The following CNTN3 variants were observed in gnomAD, a reference collection of about 807,000 sequenced individuals.
CNTN3 encodes the protein contactin 3.
Under a neutral mutation model 119.1 loss-of-function variants are expected in CNTN3, and 60 were observed. That is an observed-to-expected ratio of 0.50 (90% CI 0.41 to 0.62). The LOEUF is 0.62. CNTN3 is among the 20% of genes least tolerant of loss of function. The pLI is 0.00. For synonymous variants in CNTN3, 450 were observed against 438.7 expected (o/e 1.03, Z -0.32); for missense variants, 1,101 against 1,242.4 (o/e 0.89, Z 1.71).
intron 20 of CNTN3, among the ~76,000 whole-genome samples, chr3:74,282,249 TTG>T (rs1702028570): frequency 6.7e-6 from 1 of 149,966 alleles, no homozygotes; most frequent in Admixed American, 6.7e-5. Flanking sequence ...TTGAGAATCC[TTG>T]TGTTATTTTA....
intron 1 of CNTN3, among the ~76,000 whole-genome samples, chr3:74,578,388 C>G (rs987788536): frequency 1.3e-5 from 2 of 152,058 alleles, no homozygotes; most frequent in African/African-American, 2.4e-5. Flanking sequence ...CAATGCATCA[C>G]TTTTCTTAAT....
intron 1 of CNTN3, among the ~76,000 whole-genome samples, chr3:74,535,511 A>G (rs575783898): frequency 2.6e-5 from 4 of 152,242 alleles, no homozygotes; most frequent in Admixed American, 2.0e-4. Flanking sequence ...GACTGCCTGT[A>G]TGTAATGATC....
intron 20 of CNTN3, among the ~76,000 whole-genome samples, chr3:74,273,544 G>C (rs1701822814): frequency 6.6e-6 from 1 of 151,888 alleles, no homozygotes; most frequent in Non-Finnish European, 1.5e-5. Context: ...ACCCCCACTG[G>C]GGAAACTGAA....
At chr3:74,486,285 GCT>G (rs1415351181) in intron 4 of CNTN3, among the ~76,000 whole-genome samples, 169 bp downstream of exon 4, 1 of 151,316 alleles carries the variant, frequency 6.6e-6, no homozygotes, top group East Asian at 1.9e-4. Context: ...CACATTTAAA[GCT>G]CTGATTTGAA....
At chr3:74,574,925 CTT>C (rs71625983) in intron 1 of CNTN3, among the ~76,000 whole-genome samples, 4 of 145,412 alleles carry the variant, frequency 2.8e-5, no homozygotes, top group African/African-American at 5.0e-5. Context: ...GAAGCATTTT[CTT>C]TTTTTTTTTT....
At chr3:74,279,232 A>C (rs1442146001) in intron 20 of CNTN3, among the ~76,000 whole-genome samples, 2 of 152,188 alleles carry the variant, frequency 1.3e-5, no homozygotes, top group African/African-American at 4.8e-5. Context: ...TAGCACCACT[A>C]TTTGATCCAG....
At chr3:74,478,866 A>G (rs943212757) in intron 4 of CNTN3, among the ~76,000 whole-genome samples, 1 of 152,150 alleles carries the variant, frequency 6.6e-6, no homozygotes, top group Admixed American at 6.6e-5. Flanking sequence ...GCAACTAACC[A>G]TCATTTATAT....
intron 13 of CNTN3, among the ~76,000 whole-genome samples, chr3:74,324,072 T>A (rs952642055): frequency 6.6e-6 from 1 of 152,180 alleles, no homozygotes; most frequent in South Asian, 2.1e-4. Context: ...ACAAATATAC[T>A]CACATGTACA....
intron 13 of CNTN3, among the ~76,000 whole-genome samples, chr3:74,329,916 T>C (rs968942767): frequency 2.0e-5 from 3 of 152,208 alleles, no homozygotes; most frequent in African/African-American, 7.2e-5. Context: ...TGAAGATATC[T>C]AGATACAGGC....
intron 4 of CNTN3, among the ~76,000 whole-genome samples, chr3:74,426,415 T>C (rs899421726): frequency 2.6e-5 from 4 of 152,160 alleles, no homozygotes; most frequent in Admixed American, 2.0e-4. Context: ...TCAACTTTTC[T>C]TTGAAAAATA....
Position 74,285,305 on chromosome 3 carries a change from G to A in CNTN3, c.2704C>T (p.Pro902Ser), listed in dbSNP as rs1016109917. 4 of 1,599,828 alleles carry A rather than the reference G, an allele frequency of 2.5e-6. No homozygotes were observed. The highest frequency in any genetic ancestry group is 1.4e-5 in the African/African-American group (1 of 73,802). ...TTCAAAGAAATCAGAATATACTTAC[G>A]CGTTTTCTTGGTGGTTACATTAACT... is the stretch of plus-strand genomic sequence containing the variant. ...ATVNVTTKKT[P>S]PSQPPGNVVW... The change falls in exon 20 of 23, where the codon CCT (proline) becomes TCT (serine). Residue 902 changes from proline to serine, a missense_variant and splice_region_variant. By Grantham distance (74) the Pro-to-Ser change is moderately conservative. Coordinates refer to ENST00000263665, the MANE Select transcript of CNTN3 (RefSeq NM_020872.3).
chr3:74,366,674 T>C (rs532334895), intron 8 of CNTN3, among the ~76,000 whole-genome samples: 30 of 151,358 alleles, frequency 2.0e-4, no homozygotes, highest in African/African-American at 7.0e-4. Flanking sequence ...ATTACTTTTT[T>C]ATAAATGAAA....
intron 13 of CNTN3, among the ~76,000 whole-genome samples, chr3:74,325,509 T>C (rs902285528): frequency 1.3e-5 from 2 of 151,920 alleles, no homozygotes; most frequent in African/African-American, 4.8e-5. Flanking sequence ...TTGGCAAAAA[T>C]TTTAAAAAAA....
At chr3:74,298,807 G>C (rs1217384561) in intron 17 of CNTN3, among the ~76,000 whole-genome samples, 3 of 147,772 alleles carry the variant, frequency 2.0e-5, no homozygotes, top group African/African-American at 7.6e-5. Flanking sequence ...TGAGGCAGGA[G>C]AATTGCTTGA....
At chr3:74,353,822 C>T (rs981611371) in intron 11 of CNTN3, among the ~76,000 whole-genome samples, 3 of 151,882 alleles carry the variant, frequency 2.0e-5, no homozygotes, top group Non-Finnish European at 4.4e-5. Context: ...CAGTATAATA[C>T]ACCTTTTTCT....
At chr3:74,502,527 T>TA (rs1313153189) in intron 2 of CNTN3, among the ~76,000 whole-genome samples, 1 of 152,158 alleles carries the variant, frequency 6.6e-6, no homozygotes, top group African/African-American at 2.4e-5. Flanking sequence ...CACCATGAAC[T>TA]ATGTGCCAGG....
chr3:74,307,445 G>A (rs1375062478), intron 13 of CNTN3, among the ~76,000 whole-genome samples: 1 of 152,090 alleles, frequency 6.6e-6, no homozygotes, highest in Non-Finnish European at 1.5e-5. Flanking sequence ...AACAGTAAAT[G>A]GATTTGTAAG....
chr3:74,290,740 G>A (rs1156741813), intron 19 of CNTN3, among the ~76,000 whole-genome samples: 1 of 151,994 alleles, frequency 6.6e-6, no homozygotes, highest in Non-Finnish European at 1.5e-5. Flanking sequence ...TGCCCAGGCT[G>A]GAGTGCAGTG....
At chr3:74,306,606 GTGTAATTC>G (rs1258223894) in intron 13 of CNTN3, among the ~76,000 whole-genome samples, 1 of 152,060 alleles carries the variant, frequency 6.6e-6, no homozygotes, top group African/African-American at 2.4e-5. Flanking sequence ...AAGCCCACTA[GTGTAATTC>G]TGTTTTCCAG....
Sources: gnomAD v4.1 joint callset for allele counts (sites outside exome capture counted in the v4.1 genomes callset) on GRCh38, gnomAD v4.1.1 for gene constraint, MANE v1.5 for transcripts, NCBI Gene and HGNC (gene_info 2026-07-23, HGNC 2026-07-21) for gene names.